Variants in CRYBA4 observed in about 807,000 individuals in gnomAD.
CRYBA4 encodes the protein beta-crystallin A4.
In CRYBA4, 30 loss-of-function variants were observed where a neutral mutation model predicts 31.7. The observed-to-expected ratio is 0.95, with a 90% CI of 0.71 to 1.28. The LOEUF (loss-of-function observed/expected upper bound fraction) is 1.28. Ranked by LOEUF, CRYBA4 falls within the 50% of genes most tolerant of loss-of-function variation. The pLI, the probability that CRYBA4 is intolerant of heterozygous loss-of-function variation, is 0.00. For synonymous variants in CRYBA4, 102 were observed against 102.3 expected, an observed-to-expected ratio of 1.00 and a Z score of 0.02; for missense variants, 225 against 260.7, an observed-to-expected ratio of 0.86 and a Z score of 0.94.
chr22:26,604,011 T>C, the CRYBA4 span, among the ~76,000 whole-genome samples: 1 of 152,252 alleles, frequency 6.6e-6, no homozygotes, highest in Non-Finnish European at 1.5e-5. Context: ...AATGCTTTCA[T>C]GACCCTGTAT....
At chr22:26,627,484 T>C (rs1418134914) in intron 4 of CRYBA4, among the ~76,000 whole-genome samples, 1 of 33,188 alleles carries the variant, frequency 3.0e-5, no homozygotes, top group South Asian at 1.7e-3. Context: ...TTCTCTTTCT[T>C]TCCTTTTCTT....
the CRYBA4 span, among the ~76,000 whole-genome samples, chr22:26,592,155 G>A: frequency 7.2e-5 from 11 of 152,290 alleles, no homozygotes; most frequent in East Asian, 1.9e-3. Flanking sequence ...GACTTCATAT[G>A]ACTGATTTGA....
intron 5 of CRYBA4, among the ~76,000 whole-genome samples, chr22:26,629,802 A>G (rs1023205465): frequency 6.6e-6 from 1 of 150,806 alleles, no homozygotes; most frequent in African/African-American, 2.4e-5. Context: ...GTGCCTCTGG[A>G]TAAGGAAGGA....
chr22:26,611,457 T>G, the CRYBA4 span, among the ~76,000 whole-genome samples: 29 of 135,164 alleles, frequency 2.1e-4, no homozygotes, highest in South Asian at 7.0e-3. Flanking sequence ...AGAGTTTGTT[T>G]TTTTTTTTTT....
the CRYBA4 span, chr22:26,611,935 T>G: frequency 2.0e-5 from 15 of 733,096 alleles, no homozygotes; most frequent in Non-Finnish European, 3.8e-5. Context: ...CAGTTTGATA[T>G]GAGGATTGGA....
intron 4 of CRYBA4, among the ~76,000 whole-genome samples, chr22:26,625,968 G>C (rs1279125478): frequency 6.6e-6 from 1 of 152,104 alleles, no homozygotes; most frequent in African/African-American, 2.4e-5. Context: ...GTAGGGCCAA[G>C]TGGAGAGGAA....
In CRYBA4 at chr22:26,623,294, C is replaced by T. The variant is rs747125946; in HGVS notation, c.100C>T (p.Pro34Ser). The T allele has an allele frequency of 1.2e-6, 2 of 1,613,934 alleles. No individual in the cohort carries two copies. The highest frequency in any genetic ancestry group is 2.7e-5 in the African/African-American group (2 of 74,904). Residue 34 changes from proline (P) to serine (S), a missense_variant, in exon 3 of 6, where the codon CCC becomes TCC. Pro to Ser is a moderately conservative substitution (Grantham distance 74). Coordinates refer to ENST00000354760, the MANE Select transcript of CRYBA4 (RefSeq NM_001886.3). ...GRRHEFTAEC[P>S]SVLELGFETV... is the part of the protein sequence containing the mutation. ...GCGGCACGAGTTCACGGCCGAGTGC[C>T]CCAGCGTGCTGGAGCTTGGCTTCGA...
chr22:26,592,494 G>A, the CRYBA4 span, among the ~76,000 whole-genome samples: 1 of 152,216 alleles, frequency 6.6e-6, no homozygotes, highest in African/African-American at 2.4e-5. Context: ...GGGATCCTTG[G>A]AAGAGTGCAC....
At chr22:26,615,166 G>A in the CRYBA4 span, among the ~76,000 whole-genome samples, 136 of 152,258 alleles carry the variant, frequency 8.9e-4, 1 homozygote, top group African/African-American at 3.2e-3. Context: ...CATGAACTAG[G>A]GGTTGCAAAA....
intron 3 of CRYBA4, among the ~76,000 whole-genome samples, chr22:26,625,100 G>A (rs1421819063): frequency 6.6e-6 from 1 of 152,180 alleles, no homozygotes; most frequent in Non-Finnish European, 1.5e-5. Flanking sequence ...CTGTGGACAC[G>A]GACGGAGGAG....
the CRYBA4 span, among the ~76,000 whole-genome samples, chr22:26,593,461 G>T: frequency 6.6e-6 from 1 of 151,804 alleles, no homozygotes. Context: ...AACATGGTGA[G>T]ACCTTGTCTC....
chr22:26,611,277 G>A, the CRYBA4 span, among the ~76,000 whole-genome samples: 3 of 152,146 alleles, frequency 2.0e-5, no homozygotes, highest in Non-Finnish European at 4.4e-5. Context: ...AATAGCCTCT[G>A]CCTCCTACAG....
At chr22:26,608,976 T>C in the CRYBA4 span, among the ~76,000 whole-genome samples, 2 of 152,132 alleles carry the variant, frequency 1.3e-5, no homozygotes, top group African/African-American at 4.8e-5. Flanking sequence ...GGACAAGAAG[T>C]GAGCTTGTGT....
chr22:26,616,008 C>G, the CRYBA4 span: 2 of 761,728 alleles, frequency 2.6e-6, no homozygotes, highest in Admixed American at 3.9e-5. Flanking sequence ...AGAAAATAAG[C>G]CAAGAAAAAG....
the CRYBA4 span, among the ~76,000 whole-genome samples, chr22:26,600,226 C>A: frequency 6.6e-6 from 1 of 152,094 alleles, no homozygotes; most frequent in Admixed American, 6.5e-5. Context: ...GCAGTGAAAC[C>A]CCGTCTCTAC....
Position 26,628,339 on chromosome 22 carries a change from A to C in CRYBA4, c.352A>C (p.Lys118Gln). The C allele has an allele frequency of 6.2e-7, 1 of 1,613,960 alleles. No homozygotes were observed. The highest frequency in any genetic ancestry group is 1.6e-4 in the Middle Eastern group (1 of 6,062). Residue 118 changes from lysine (K) to glutamine (Q), a missense_variant, in exon 5 of 6, where the codon AAG becomes CAG. By Grantham distance (53) the Lys-to-Gln change is moderately conservative. Coordinates refer to ENST00000354760, the MANE Select transcript of CRYBA4 (RefSeq NM_001886.3). ...CTTCGAGCAAGAGAACTTCCTGGGCAAGAAAGGAGAGCTGAGCGATGACTA... is the reference window on the plus strand; with the variant it reads ...CTTCGAGCAAGAGAACTTCCTGGGCCAGAAAGGAGAGCTGAGCGATGACTA... ...TIFEQENFLG[K>Q]KGELSDDYPS...
the CRYBA4 span, among the ~76,000 whole-genome samples, chr22:26,608,397 CTT>C: frequency 2.0e-5 from 3 of 151,206 alleles, no homozygotes; most frequent in Non-Finnish European, 4.4e-5. Flanking sequence ...ACATTTGAAA[CTT>C]GACGCCAGCT....
At chr22:26,616,019 G>A in the CRYBA4 span, 3 of 802,128 alleles carry the variant, frequency 3.7e-6, no homozygotes, top group Non-Finnish European at 6.6e-6. Flanking sequence ...CAAGAAAAAG[G>A]AGGAGAAAGA....
At position 26,622,724 on chromosome 22, in the gene CRYBA4, C is replaced by T. The variant is rs1929572016; in HGVS notation, c.39+89C>T. On this transcript the variant is annotated intron_variant, in intron 2 of 5. Coordinates refer to ENST00000354760, the MANE Select transcript of CRYBA4 (RefSeq NM_001886.3). ...CCTAGGAGGGGGGCATTATAAATGC[C>T]TATTTCACAGAGGTGCAATCAAGGC... 12 of 981,464 alleles carry T rather than the reference C, an allele frequency of 1.2e-5. No homozygotes were observed. In the South Asian group the frequency reaches 1.4e-4, roughly 12 times the overall value. The allele number at this position is 981,464 out of a possible 1,614,324, so 60.8% of individuals were successfully genotyped here. A position where few individuals can be genotyped will look rare whatever the true frequency, so the allele number is the denominator to read the frequency against.
Sources: gnomAD v4.1 joint callset for allele counts (sites outside exome capture counted in the v4.1 genomes callset) on GRCh38, gnomAD v4.1.1 for gene constraint, MANE v1.5 for transcripts, NCBI Gene and HGNC (gene_info 2026-07-23, HGNC 2026-07-21) for gene names.